GTF2IRD1: variants seen among roughly 807,000 people sequenced by gnomAD.
GTF2IRD1 encodes general transcription factor II-I repeat domain-containing protein 1.
Under a neutral mutation model 113.2 loss-of-function variants are expected in GTF2IRD1, and 26 were observed. That is an observed-to-expected ratio of 0.23 (90% confidence interval 0.17 to 0.32). The LOEUF (loss-of-function observed/expected upper bound fraction) is 0.32, where lower values mean the gene tolerates loss of function less well. Among genes scored for constraint, GTF2IRD1 ranks in the 10% least tolerant of loss-of-function variants. The pLI, the probability that GTF2IRD1 is intolerant of heterozygous loss-of-function variation, is 1.00. For synonymous variants in GTF2IRD1, 484 were observed against 529.1 expected (o/e 0.91, Z 1.17); for missense variants, 864 against 1,280.8 (o/e 0.67, Z 4.97).
At chr7:74,567,547 A>G (rs1800397906) in intron 22 of GTF2IRD1, among the ~76,000 whole-genome samples, 1 of 152,102 alleles carries the variant, frequency 6.6e-6, no homozygotes, top group Non-Finnish European at 1.5e-5. Flanking sequence ...TAGTGGGCTC[A>G]AGAGACAATG....
At chr7:74,513,104 G>T in intron 3 of GTF2IRD1, 133 bp downstream of exon 3, 2 of 824,200 alleles carry the variant, frequency 2.4e-6, no homozygotes, top group Non-Finnish European at 3.8e-6. Flanking sequence ...AAGCTAGGTT[G>T]TCTGAGATTC....
In GTF2IRD1 at chr7:74,555,407, C is replaced by G; in HGVS notation, c.1967-31C>G. Reference sequence around the variant, plus strand: ...TTGGGTCCCAGGAACTGCCTCCTCACTTGGCTTCTCTCCCCCTGCCCTGCC... The same window carrying G: ...TTGGGTCCCAGGAACTGCCTCCTCAGTTGGCTTCTCTCCCCCTGCCCTGCC... On this transcript the variant is annotated intron_variant, in intron 18 of 26. Coordinates refer to ENST00000424337, the MANE Select transcript of GTF2IRD1 (RefSeq NM_005685.4). This position sits in a 1 kb window ranked among gnomAD's most constrained non-coding sequence, Gnocchi z 5.3. The G allele has an allele frequency of 6.2e-7, 1 of 1,613,350 alleles. No individual in the cohort carries two copies. The highest frequency in any genetic ancestry group is 8.5e-7 in the Non-Finnish European group (1 of 1,179,262).
At chr7:74,568,810 T>C (rs781083279) in intron 22 of GTF2IRD1, among the ~76,000 whole-genome samples, 19 of 150,640 alleles carry the variant, frequency 1.3e-4, no homozygotes, top group South Asian at 4.2e-4. Flanking sequence ...TGAAGGACAG[T>C]TGGGGTCAGG....
intron 2 of GTF2IRD1, among the ~76,000 whole-genome samples, chr7:74,511,243 C>T (rs1796613034): frequency 1.3e-5 from 2 of 152,144 alleles, no homozygotes; most frequent in African/African-American, 4.8e-5. Context: ...AACTTAAGTC[C>T]AGCCTCCTCC....
At chr7:74,478,842 C>T (rs1401281026) in intron 1 of GTF2IRD1, among the ~76,000 whole-genome samples, 2 of 151,742 alleles carry the variant, frequency 1.3e-5, no homozygotes, top group Non-Finnish European at 2.9e-5. Context: ...GCCTCCTGGG[C>T]CCAAGCAACC....
intron 17 of GTF2IRD1, among the ~76,000 whole-genome samples, chr7:74,550,067 A>T (rs2130707443): frequency 6.6e-6 from 1 of 151,358 alleles, no homozygotes; most frequent in Non-Finnish European, 1.5e-5. Context: ...GCATGGTGGC[A>T]TGCACCTGTA....
chr7:74,489,494 C>T (rs1554336250), intron 1 of GTF2IRD1, among the ~76,000 whole-genome samples: 1 of 152,122 alleles, frequency 6.6e-6, no homozygotes, highest in Admixed American at 6.5e-5. Flanking sequence ...AGGCATGTAC[C>T]ACCACACCTG....
At position 74,532,440 on chromosome 7, in the gene GTF2IRD1, GC is replaced by G. The variant is rs1451280187; in HGVS notation, c.1274+2524del. ...CTGGTGGTATGCACCTGTAGTCCTA[GC>G]TACTGAGGAGGCTGACGGAGGAGGA... On this transcript the variant is annotated intron_variant, in intron 9 of 26. Transcript: ENST00000424337. Among the ~76,000 whole-genome samples the G allele has an allele frequency of 2.0e-5, 3 of 152,310 alleles. No homozygotes were observed. The East Asian group carries it at 5.8e-4, about 29-fold the overall frequency.
At chr7:74,558,347 CTTTTTTTTTTTTTTT>C (rs1193682168) in intron 20 of GTF2IRD1, among the ~76,000 whole-genome samples, 2 of 60,446 alleles carry the variant, frequency 3.3e-5, no homozygotes, top group Admixed American at 2.3e-4. Context: ...TCTTTCGTTT[CTTTTTTTTTTTTTTT>C]TTTTTTTTTT....
At position 74,536,222 on chromosome 7, in the gene GTF2IRD1, C is replaced by T. The variant is rs1298721030; in HGVS notation, c.1356C>T (p.Asp452=). 6.2e-6 allele frequency: 10 copies of T among 1,613,394 alleles called. No individual in the cohort carries two copies. The highest frequency in any genetic ancestry group is 8.5e-6 in the Non-Finnish European group (10 of 1,179,478). The part of the protein sequence containing the change: ...TKLEPASPPE[D]TSAEVSRATV... ...TGGAGCCAGCCAGCCCGCCAGAGGA[C>T]ACCTCTGCAGAGGTCTCTAGGGCCA... The change falls in exon 11 of 27, where the codon GAC becomes GAT. Residue 452 remains aspartate, a synonymous_variant. Transcript: ENST00000424337.
At chr7:74,520,394 T>G (rs1797213766) in intron 6 of GTF2IRD1, among the ~76,000 whole-genome samples, 1 of 152,132 alleles carries the variant, frequency 6.6e-6, no homozygotes, top group Non-Finnish European at 1.5e-5. Context: ...GGGGCAAATC[T>G]CTACTCTCTG....
chr7:74,597,411 T>C (rs1802488447), intron 25 of GTF2IRD1, among the ~76,000 whole-genome samples: 1 of 148,276 alleles, frequency 6.7e-6, no homozygotes, highest in African/African-American at 2.5e-5. Flanking sequence ...AATCTTGCGA[T>C]CTTGGCTCAC....
intron 22 of GTF2IRD1, among the ~76,000 whole-genome samples, chr7:74,563,749 G>T (rs1273759629): frequency 7.9e-5 from 12 of 152,134 alleles, no homozygotes; most frequent in African/African-American, 2.9e-4. Flanking sequence ...AGCCAGGCAC[G>T]GTGGCACGCA....
chr7:74,526,157 G>A (rs1554347192), intron 8 of GTF2IRD1, among the ~76,000 whole-genome samples: 6 of 152,272 alleles, frequency 3.9e-5, no homozygotes, highest in Non-Finnish European at 8.8e-5. Context: ...TGCCTTGGGA[G>A]GGTTCTGCCC....
chr7:74,522,506 C>A (rs1427457901), intron 7 of GTF2IRD1, among the ~76,000 whole-genome samples: 22 of 152,142 alleles, frequency 1.4e-4, no homozygotes, highest in Admixed American at 1.4e-3. Flanking sequence ...TCTAGACCAG[C>A]CTGGGCAACT....
intron 1 of GTF2IRD1, among the ~76,000 whole-genome samples, chr7:74,491,393 G>A (rs185460070): frequency 9.6e-4 from 144 of 149,302 alleles, no homozygotes; most frequent in African/African-American, 3.5e-3. Flanking sequence ...CTTGTGTCAT[G>A]GGGGTTTGTT....
At chr7:74,589,954 A>G (rs1251886083) in intron 23 of GTF2IRD1, 26 bp downstream of exon 23, 1 of 1,497,408 alleles carries the variant, frequency 6.7e-7, no homozygotes, top group African/African-American at 1.4e-5. Context: ...CAGGGTCAGC[A>G]CACCAAGCCC....
chr7:74,516,144 G>A lies in GTF2IRD1; in HGVS notation c.421+548G>A, dbSNP rs149582715. ...GCATTTCACATGCCCTGGACTTCGC[G>A]CTGTTACATCTTTTGAGACTGCCTT... On this transcript the variant is annotated intron_variant, in intron 4 of 26. Coordinates refer to ENST00000424337, the MANE Select transcript of GTF2IRD1 (RefSeq NM_005685.4). Among the ~76,000 whole-genome samples the A allele has an allele frequency of 3.9e-3, 597 of 152,250 alleles. 5 individuals carry two copies. The highest frequency in any genetic ancestry group is 0.013 in the African/African-American group (543 of 41,556).
intron 24 of GTF2IRD1, among the ~76,000 whole-genome samples, chr7:74,594,722 CA>C (rs1802300629): frequency 6.6e-6 from 1 of 152,156 alleles, no homozygotes; most frequent in South Asian, 2.1e-4. Flanking sequence ...GAGGTGGAGG[CA>C]GGCAGATCAC....
Sources: gnomAD v4.1 joint callset for allele counts (sites outside exome capture counted in the v4.1 genomes callset) on GRCh38, gnomAD v4.1.1 for gene constraint, Gnocchi (gnomAD v3.1) non-coding constraint, MANE v1.5 for transcripts, NCBI Gene and HGNC (gene_info 2026-07-23, HGNC 2026-07-21) for gene names.